Variants in ATRX observed in about 807,000 individuals in gnomAD.
The protein encoded by ATRX is ATRX chromatin remodeler.
A neutral mutation model predicts 172.6 loss-of-function variants in ATRX; 12 were observed. The observed-to-expected ratio is 0.07, with a 90% CI of 0.04 to 0.11. The LOEUF is 0.11. ATRX is among the 10% of genes least tolerant of loss of function. ATRX has a pLI of 1.00. For missense variants in ATRX, 1,368 were observed against 1,767.4 expected (o/e 0.77, Z 4.05); for synonymous variants, 674 against 594.7 (o/e 1.13, Z -1.94).
In ATRX at chrX:77,786,174, A is replaced by C; in HGVS notation, c.-173T>G. The C allele has an allele frequency of 1.9e-6, 1 of 532,857 alleles. No homozygotes were observed. Among genetic ancestry groups the C allele is most frequent in the East Asian group, 3.9e-5 (1 of 25,345 alleles). The allele number at this position is 532,857 out of a possible 1,213,427, so 43.9% of individuals were successfully genotyped here. ...ACTGCCACCGCCGCAGGAGCCGCGG[A>C]AACAAAGCGACACCGCTGCCGCCGC... On this transcript the variant is annotated 5_prime_UTR_variant, in exon 1 of 35. Coordinates refer to ENST00000373344, the MANE Select transcript of ATRX (RefSeq NM_000489.6).
chrX:77,719,610 G>T (rs782321480), intron 1 of ATRX, among the ~76,000 whole-genome samples: 17 of 111,157 alleles, frequency 1.5e-4, no homozygotes, highest in Non-Finnish European at 3.0e-4. Flanking sequence ...ATGGTAAAGG[G>T]ATCAAAGCAA....
At chrX:77,743,258 G>C (rs781937090) in intron 1 of ATRX, among the ~76,000 whole-genome samples, 1 of 110,995 alleles carries the variant, frequency 9.0e-6, no homozygotes, top group Non-Finnish European at 1.9e-5. Flanking sequence ...GCCTGGACTG[G>C]GGCATGAAAG....
At chrX:77,746,006 A>G (rs1038357461) in intron 1 of ATRX, among the ~76,000 whole-genome samples, 13 of 111,720 alleles carry the variant, frequency 1.2e-4, no homozygotes, top group South Asian at 3.7e-4. Context: ...AAAATAACAC[A>G]AGTTGGTGAG....
chrX:77,682,540 C>G lies in ATRX; in HGVS notation c.2716G>C (p.Asp906His), dbSNP rs2148590576. 5 of 1,211,492 alleles carry G rather than the reference C, an allele frequency of 4.1e-6. No homozygotes were observed. Among genetic ancestry groups the G allele is most frequent in the Non-Finnish European group, 5.6e-6 (5 of 895,435 alleles). The change falls in exon 9 of 35, where the codon GAT becomes CAT. Residue 906 changes from aspartate (D) to histidine (H), a missense_variant. Around this residue, in one of 17 missense-constraint regions of ATRX, gnomAD observed 843 missense variants for 643.1 expected, o/e 1.31. Coordinates refer to ENST00000373344, the MANE Select transcript of ATRX (RefSeq NM_000489.6). ...DKDTTIMELR[D>H]RLPKKQQASA... ...GCTTGCTGCTTCTTAGGAAGTCGAT[C>G]TCTTAATTCCATGATGGTCGTGTCT... is the stretch of plus-strand genomic sequence containing the variant.
At chrX:77,568,521 C>G (rs1207900141) in intron 28 of ATRX, among the ~76,000 whole-genome samples, 1 of 112,009 alleles carries the variant, frequency 8.9e-6, no homozygotes, top group Non-Finnish European at 1.9e-5. Context: ...AAGGCCAGAA[C>G]TGGTTTCACT....
At chrX:77,772,937 T>C (rs1449370744) in intron 1 of ATRX, among the ~76,000 whole-genome samples, 1 of 103,679 alleles carries the variant, frequency 9.6e-6, no homozygotes, top group Non-Finnish European at 2.0e-5. Context: ...AGCCTCAGAC[T>C]CCTGTGCTCA....
intron 34 of ATRX, among the ~76,000 whole-genome samples, chrX:77,518,534 T>C (rs1418715679): frequency 8.9e-6 from 1 of 112,057 alleles, no homozygotes; most frequent in Non-Finnish European, 1.9e-5. Flanking sequence ...AGATCTTCCA[T>C]GTTCATGGAT....
intron 30 of ATRX, among the ~76,000 whole-genome samples, chrX:77,533,803 G>A (rs1387465912): frequency 2.7e-5 from 3 of 111,899 alleles, no homozygotes; most frequent in African/African-American, 9.7e-5. Context: ...TGGAATTGAA[G>A]TATATGTAGT....
At chrX:77,544,860 T>C (rs782593182) in intron 30 of ATRX, among the ~76,000 whole-genome samples, 1 of 110,942 alleles carries the variant, frequency 9.0e-6, no homozygotes, top group African/African-American at 3.3e-5. Context: ...CTATCGTGAA[T>C]AAACCTACTC....
intron 19 of ATRX, among the ~76,000 whole-genome samples, chrX:77,627,165 G>A (rs1011128534): frequency 1.6e-4 from 18 of 111,107 alleles, no homozygotes; most frequent in Non-Finnish European, 3.2e-4. Context: ...CCCGGGAGGC[G>A]GAGCTCGCAG....
At chrX:77,546,771 A>C (rs1480537614) in intron 30 of ATRX, among the ~76,000 whole-genome samples, 4 of 111,907 alleles carry the variant, frequency 3.6e-5, no homozygotes, top group African/African-American at 1.3e-4. Context: ...GGTGTGTGCC[A>C]CTGTGTCCGA....
intron 22 of ATRX, among the ~76,000 whole-genome samples, chrX:77,614,335 C>T (rs2067269798): frequency 1.8e-5 from 2 of 111,731 alleles, no homozygotes; most frequent in Admixed American, 1.9e-4. Flanking sequence ...TTCAAAGAGG[C>T]TATTTAACTC....
chrX:77,752,474 C>A (rs2075337312), intron 1 of ATRX, among the ~76,000 whole-genome samples: 1 of 111,341 alleles, frequency 9.0e-6, no homozygotes, highest in African/African-American at 3.3e-5. Context: ...TTATTTCTTT[C>A]TCTTGCCTAG....
At chrX:77,541,116 T>TA (rs1361551027) in intron 30 of ATRX, among the ~76,000 whole-genome samples, 1 of 111,091 alleles carries the variant, frequency 9.0e-6, no homozygotes, top group African/African-American at 3.3e-5. Context: ...ATAGACGCAA[T>TA]AAAAAATGAT....
At chrX:77,653,030 GA>G (rs1233055294) in intron 14 of ATRX, among the ~76,000 whole-genome samples, 3 of 99,672 alleles carry the variant, frequency 3.0e-5, no homozygotes, top group Non-Finnish European at 4.1e-5. Flanking sequence ...AAGAAAAAAA[GA>G]AAAAAAGAAA....
chrX:77,786,061 C>G lies in ATRX; in HGVS notation c.-60G>C. 1.8e-6 allele frequency: 2 copies of G among 1,142,828 alleles called. No homozygotes were observed. The highest frequency in any genetic ancestry group is 2.4e-6 in the Non-Finnish European group (2 of 849,974). The allele number at this position is 1,142,828 out of a possible 1,213,427, so 94.2% of individuals were successfully genotyped here. On this transcript the variant is annotated 5_prime_UTR_variant, in exon 1 of 35. Coordinates refer to ENST00000373344, the MANE Select transcript of ATRX (RefSeq NM_000489.6). ...TGCTGGGCGCCGATCTGCGCTCCCC[C>G]GCGCCCGGTTACGATAGAAATGCAC...
At chrX:77,759,129 TTAAA>T (rs1397399265) in intron 1 of ATRX, among the ~76,000 whole-genome samples, 4 of 112,120 alleles carry the variant, frequency 3.6e-5, no homozygotes, top group Non-Finnish European at 5.6e-5. Context: ...TTATATTCAC[TTAAA>T]TAATTACCAA....
At chrX:77,772,467 CAA>C (rs782408268) in intron 1 of ATRX, among the ~76,000 whole-genome samples, 56 of 39,753 alleles carry the variant, frequency 1.4e-3, no homozygotes, top group Admixed American at 2.4e-3. Flanking sequence ...TCCCTTCTCT[CAA>C]AAAAAAAAAA....
intron 22 of ATRX, among the ~76,000 whole-genome samples, chrX:77,612,003 A>G (rs782320076): frequency 1.3e-4 from 15 of 112,271 alleles, no homozygotes; most frequent in Non-Finnish European, 2.4e-4. Flanking sequence ...AGAAATGTAT[A>G]TAACAAGTAA....
Sources: allele counts gnomAD v4.1 joint callset (sites outside exome capture counted in the v4.1 genomes callset), GRCh38; gene constraint gnomAD v4.1.1; regional missense constraint gnomAD v4.1.1; transcripts MANE v1.5; gene names NCBI Gene and HGNC (gene_info 2026-07-23, HGNC 2026-07-21).